The following BTBD9 variants were observed in gnomAD, a reference collection of about 807,000 sequenced individuals.
BTBD9 encodes BTB domain containing 9.
In BTBD9, 49 loss-of-function variants were observed where a neutral mutation model predicts 64.3. The ratio of observed to expected loss-of-function variants is 0.76; its 90% CI spans 0.61 to 0.97. The LOEUF is 0.97. BTBD9 is among the 50% of genes least tolerant of loss of function. The pLI is 0.00. For missense variants in BTBD9, 598 were observed against 762.1 expected (o/e 0.78, Z 2.53); for synonymous variants, 260 against 274.7 (o/e 0.95, Z 0.53).
intron 6 of BTBD9, among the ~76,000 whole-genome samples, chr6:38,570,638 C>T (rs1180036263): frequency 3.3e-5 from 5 of 152,056 alleles, no homozygotes; most frequent in Non-Finnish European, 5.9e-5. Context: ...TTGAGTTACT[C>T]CTCTCTTTCA....
intron 9 of BTBD9, among the ~76,000 whole-genome samples, chr6:38,219,737 G>A (rs1009144041): frequency 6.6e-6 from 1 of 152,136 alleles, no homozygotes; most frequent in African/African-American, 2.4e-5. Context: ...CTGTTGGCTG[G>A]TTTTGCCATA....
chr6:38,497,518 T>C (rs920825023), intron 6 of BTBD9, among the ~76,000 whole-genome samples: 2 of 152,074 alleles, frequency 1.3e-5, no homozygotes, highest in Non-Finnish European at 2.9e-5. Flanking sequence ...ACCCTACACA[T>C]GGCAGCAGTA....
intron 6 of BTBD9, among the ~76,000 whole-genome samples, chr6:38,461,149 C>G (rs184175869): frequency 1.4e-4 from 21 of 152,306 alleles, no homozygotes; most frequent in Admixed American, 4.6e-4. Flanking sequence ...GAGAGTGAAG[C>G]TTTTGTTTGC....
chr6:38,466,027 AGTTTCAAGTTCCTG>A (rs1379271884), intron 6 of BTBD9, among the ~76,000 whole-genome samples: 1 of 150,572 alleles, frequency 6.6e-6, no homozygotes, highest in Non-Finnish European at 1.5e-5. Context: ...TGTCCAGGCT[AGTTTCAAGTTCCTG>A]GTTTCAAGTG....
intron 7 of BTBD9, among the ~76,000 whole-genome samples, chr6:38,336,875 C>T (rs1017931772): frequency 6.6e-6 from 1 of 152,198 alleles, no homozygotes; most frequent in African/African-American, 2.4e-5. Context: ...GCAGAAACTA[C>T]ACCCATGTGT....
intron 6 of BTBD9, among the ~76,000 whole-genome samples, chr6:38,511,436 G>A (rs1357657034): frequency 6.7e-6 from 1 of 148,420 alleles, no homozygotes; most frequent in East Asian, 2.0e-4. Flanking sequence ...TTGACCTCCT[G>A]GGCTCAAGTG....
intron 6 of BTBD9, among the ~76,000 whole-genome samples, chr6:38,424,585 C>T (rs777205811): frequency 3.3e-5 from 5 of 151,898 alleles, no homozygotes; most frequent in Non-Finnish European, 5.9e-5. Context: ...GGCATGATCT[C>T]GACTCATTGC....
chr6:38,551,914 A>G (rs934423332), intron 6 of BTBD9, among the ~76,000 whole-genome samples: 4 of 152,218 alleles, frequency 2.6e-5, no homozygotes, highest in African/African-American at 9.6e-5. Flanking sequence ...CTTTACAGAC[A>G]CCCAGGAAGA....
intron 6 of BTBD9, among the ~76,000 whole-genome samples, chr6:38,414,861 T>C (rs1029817121): frequency 4.6e-5 from 7 of 152,162 alleles, no homozygotes; most frequent in African/African-American, 1.7e-4. Flanking sequence ...TTTATATACC[T>C]GTCCTAGGCA....
At chr6:38,323,460 G>A (rs1240448486) in intron 7 of BTBD9, among the ~76,000 whole-genome samples, 1 of 152,180 alleles carries the variant, frequency 6.6e-6, no homozygotes, top group Non-Finnish European at 1.5e-5. Context: ...AAGGAAAGAA[G>A]AGCCAAGGAA....
intron 1 of BTBD9, among the ~76,000 whole-genome samples, chr6:38,614,351 A>G (rs1031047313): frequency 6.6e-6 from 1 of 152,192 alleles, no homozygotes; most frequent in African/African-American, 2.4e-5. Flanking sequence ...ACCAGAACAC[A>G]GAGACTACAG....
At chr6:38,402,354 T>C (rs1331728928) in intron 6 of BTBD9, among the ~76,000 whole-genome samples, 3 of 151,888 alleles carry the variant, frequency 2.0e-5, no homozygotes, top group Non-Finnish European at 4.4e-5. Flanking sequence ...CTAAAATTCA[T>C]ATGGAAAGAA....
At chr6:38,425,734 C>T (rs1050479565) in intron 6 of BTBD9, among the ~76,000 whole-genome samples, 2 of 150,546 alleles carry the variant, frequency 1.3e-5, no homozygotes, top group African/African-American at 4.9e-5. Flanking sequence ...ACAGTGAGAC[C>T]CCATCACTAC....
chr6:38,634,775 G>C (rs1292130904), intron 1 of BTBD9, among the ~76,000 whole-genome samples: 4 of 152,148 alleles, frequency 2.6e-5, no homozygotes, highest in Non-Finnish European at 5.9e-5. Context: ...CACCAGGACA[G>C]TATTAAGCAG....
At chr6:38,219,184 G>C (rs1416257619) in intron 9 of BTBD9, among the ~76,000 whole-genome samples, 2 of 146,400 alleles carry the variant, frequency 1.4e-5, no homozygotes, top group South Asian at 2.2e-4. Context: ...TGCCAGGCTG[G>C]AGTGTAGTAG....
intron 9 of BTBD9, among the ~76,000 whole-genome samples, chr6:38,224,620 A>G (rs796183325): frequency 5.3e-5 from 8 of 152,374 alleles, no homozygotes; most frequent in African/African-American, 1.9e-4. Flanking sequence ...ATGAAGAGTA[A>G]AAAATACAAA....
At chr6:38,189,104 G>A (rs1761942145) in intron 10 of BTBD9, among the ~76,000 whole-genome samples, 1 of 152,236 alleles carries the variant, frequency 6.6e-6, no homozygotes, top group Non-Finnish European at 1.5e-5. Flanking sequence ...TAGTGAGAGA[G>A]GTACCCTGAC....
intron 9 of BTBD9, among the ~76,000 whole-genome samples, chr6:38,231,536 T>G (rs1306041810): frequency 2.6e-5 from 4 of 152,250 alleles, no homozygotes; most frequent in African/African-American, 9.6e-5. Context: ...ATAATTCTGA[T>G]TTCAAAAATC....
At chr6:38,551,935 A>C (rs1222874260) in intron 6 of BTBD9, among the ~76,000 whole-genome samples, 1 of 152,204 alleles carries the variant, frequency 6.6e-6, no homozygotes, top group Non-Finnish European at 1.5e-5. Context: ...TTTTATAAAC[A>C]CCCAGAATGT....
Sources: gnomAD v4.1 joint callset for allele counts (sites outside exome capture counted in the v4.1 genomes callset) on GRCh38, gnomAD v4.1.1 for gene constraint, MANE v1.5 for transcripts, NCBI Gene and HGNC (gene_info 2026-07-23, HGNC 2026-07-21) for gene names.